The following RANBP2 variants were observed in gnomAD, a reference collection of about 807,000 sequenced individuals.
RANBP2 encodes the protein RAN binding protein 2.
Under a neutral mutation model 303.6 loss-of-function variants are expected in RANBP2, and 57 were observed. The observed-to-expected ratio is 0.19, with a 90% CI of 0.15 to 0.23. The LOEUF (loss-of-function observed/expected upper bound fraction) is 0.23, where lower values mean the gene tolerates loss of function less well. Ranked by LOEUF, RANBP2 falls within the 10% of genes least tolerant of loss-of-function variation. The probability of loss-of-function intolerance (pLI) is 1.00; values close to 1 mark genes in which losing one functional copy is unlikely to be tolerated. For synonymous variants in RANBP2, 1,167 were observed against 1,301.5 expected (o/e 0.90, Z 2.23); for missense variants, 3,138 against 3,780.8 (o/e 0.83, Z 4.46).
chr2:109,102,431 CAA>C, the RANBP2 span, among the ~76,000 whole-genome samples: 1,665 of 142,338 alleles, frequency 0.012, 33 homozygotes, highest in African/African-American at 0.036. Context: ...AATTCCGCTT[CAA>C]AAAAAAAAAA....
chr2:109,640,246 G>A, the RANBP2 span, among the ~76,000 whole-genome samples: 2 of 151,442 alleles, frequency 1.3e-5, no homozygotes, highest in South Asian at 2.1e-4. Context: ...GAGGTCAGGA[G>A]TTTGAGACCA....
At chr2:109,682,488 A>G in the RANBP2 span, among the ~76,000 whole-genome samples, 1 of 152,186 alleles carries the variant, frequency 6.6e-6, no homozygotes, top group Non-Finnish European at 1.5e-5. Flanking sequence ...ACTTCACCTG[A>G]AATATGGCTC....
the RANBP2 span, among the ~76,000 whole-genome samples, chr2:109,083,915 C>A: frequency 5.3e-5 from 8 of 152,156 alleles, no homozygotes; most frequent in Non-Finnish European, 1.0e-4. Context: ...AAACCCCACC[C>A]GGTCCAGTAG....
the RANBP2 span, among the ~76,000 whole-genome samples, chr2:108,844,022 T>G: frequency 6.7e-6 from 1 of 150,240 alleles, no homozygotes; most frequent in Non-Finnish European, 1.5e-5. Flanking sequence ...CTACCTTACC[T>G]GGTTAATTTT....
At chr2:109,409,929 A>T in the RANBP2 span, among the ~76,000 whole-genome samples, 1 of 152,146 alleles carries the variant, frequency 6.6e-6, no homozygotes, top group South Asian at 2.1e-4. Flanking sequence ...CTGGACTTAC[A>T]TTAAACATTT....
intron 7 of RANBP2, among the ~76,000 whole-genome samples, chr2:108,745,094 A>G (rs4012072): frequency 6.7e-6 from 1 of 148,894 alleles, no homozygotes. Flanking sequence ...GGGTCCTAAA[A>G]CCAGGACATT....
the RANBP2 span, among the ~76,000 whole-genome samples, chr2:109,120,406 A>G: frequency 6.6e-6 from 1 of 152,166 alleles, no homozygotes; most frequent in Admixed American, 6.5e-5. Flanking sequence ...TTAGCCTCGC[A>G]TACTCAGCTG....
the RANBP2 span, among the ~76,000 whole-genome samples, chr2:109,090,308 CCTCA>C: frequency 0.062 from 8,280 of 132,708 alleles, 376 homozygotes; most frequent in Admixed American, 0.12. Flanking sequence ...GGACACCTCG[CCTCA>C]CACACACACA....
chr2:109,275,198 C>T, the RANBP2 span, among the ~76,000 whole-genome samples: 7 of 152,148 alleles, frequency 4.6e-5, no homozygotes, highest in Non-Finnish European at 1.0e-4. Context: ...TGTGGTTTCT[C>T]GTACTTTGCT....
the RANBP2 span, among the ~76,000 whole-genome samples, chr2:109,289,223 C>T: frequency 3.9e-5 from 6 of 152,162 alleles, no homozygotes; most frequent in Non-Finnish European, 7.3e-5. Flanking sequence ...TTGGACTGCA[C>T]GCTCTATGTG....
chr2:108,764,281 A>G lies in RANBP2; in HGVS notation c.3742A>G (p.Ile1248Val), dbSNP rs1396108674. 1.2e-6 allele frequency: 2 copies of G among 1,613,960 alleles called. No individual in the cohort carries two copies. Among genetic ancestry groups the G allele is most frequent in the African/African-American group, 2.7e-5 (2 of 75,050 alleles). ...ATTGAAAATCTGTGCAAATCATTAC[A>G]TCAGTCCAGATATGAAATTGACACC... ...QVLKICANHY[I>V]SPDMKLTPNA... Residue 1248 changes from isoleucine to valine, a missense_variant, in exon 20 of 29, where the codon ATC (isoleucine) becomes GTC (valine). Around this residue, in one of 20 missense-constraint regions of RANBP2, gnomAD observed 72 missense variants for 119.5 expected, o/e 0.60. Coordinates refer to ENST00000283195, the MANE Select transcript of RANBP2 (RefSeq NM_006267.5).
the RANBP2 span, among the ~76,000 whole-genome samples, chr2:109,023,829 A>G: frequency 6.6e-6 from 1 of 152,246 alleles, no homozygotes; most frequent in East Asian, 1.9e-4. Context: ...AACAAAAACA[A>G]ACAAACAAAA....
chr2:109,607,733 T>A, the RANBP2 span, among the ~76,000 whole-genome samples: 1 of 152,066 alleles, frequency 6.6e-6, no homozygotes, highest in Non-Finnish European at 1.5e-5. Context: ...AAGTTTAGTC[T>A]TTCCTCCCCT....
chr2:109,078,152 CAT>C, the RANBP2 span, among the ~76,000 whole-genome samples: 5 of 64,480 alleles, frequency 7.8e-5, no homozygotes, highest in African/African-American at 1.3e-4. Context: ...ATATATATAG[CAT>C]GTATATATAT....
chr2:109,477,304 G>A, the RANBP2 span, among the ~76,000 whole-genome samples: 2 of 152,260 alleles, frequency 1.3e-5, no homozygotes, highest in Admixed American at 6.5e-5. Flanking sequence ...CAGCCTTCAC[G>A]CCCAAAGACC....
chr2:108,994,062 T>C, the RANBP2 span, among the ~76,000 whole-genome samples: 2 of 152,074 alleles, frequency 1.3e-5, no homozygotes, highest in Admixed American at 1.3e-4. Context: ...TACCATCACC[T>C]AGGAGCTTAG....
the RANBP2 span, chr2:108,846,657 A>G: frequency 5.5e-6 from 7 of 1,264,184 alleles, no homozygotes; most frequent in African/African-American, 6.2e-5. Flanking sequence ...AACCTGGGCA[A>G]CAGAGCAAGA....
At chr2:109,726,061 GTGTGTGT>G in the RANBP2 span, among the ~76,000 whole-genome samples, 11 of 122,810 alleles carry the variant, frequency 9.0e-5, no homozygotes, top group East Asian at 1.7e-3. Context: ...TGCTTTTGGT[GTGTGTGT>G]GTGTGTGTGT....
the RANBP2 span, among the ~76,000 whole-genome samples, chr2:108,927,304 G>A: frequency 4.6e-5 from 7 of 152,162 alleles, no homozygotes; most frequent in Non-Finnish European, 8.8e-5. Flanking sequence ...AGGGCGGGAG[G>A]CATCAAGATT....
Sources: gnomAD v4.1 joint callset for allele counts (sites outside exome capture counted in the v4.1 genomes callset) on GRCh38, gnomAD v4.1.1 for gene constraint, gnomAD v4.1.1 regional missense constraint, MANE v1.5 for transcripts, NCBI Gene and HGNC (gene_info 2026-07-23, HGNC 2026-07-21) for gene names.